The following FLYWCH1 variants were observed in gnomAD, a reference collection of about 807,000 sequenced individuals.
FLYWCH1 encodes the protein FLYWCH-type zinc finger-containing protein 1.
In FLYWCH1, 75 loss-of-function variants were observed where a neutral mutation model predicts 66.4. That is an observed-to-expected ratio of 1.13 (90% CI 0.94 to 1.37). FLYWCH1 has a LOEUF of 1.37. FLYWCH1 is among the 40% of genes most tolerant of loss of function. The pLI is 0.00. For synonymous variants in FLYWCH1, 595 were observed against 429.9 expected, an observed-to-expected ratio of 1.38 and a Z score of -4.75; for missense variants, 1,334 against 1,001.8, an observed-to-expected ratio of 1.33 and a Z score of -4.48.
chr16:2,941,732 G>C (rs749256063), intron 9 of FLYWCH1, among the ~76,000 whole-genome samples: 7 of 150,808 alleles, frequency 4.6e-5, no homozygotes, highest in African/African-American at 1.7e-4. Context: ...AAAAAAAAAA[G>C]AACTAAAAGT....
Position 2,944,106 on chromosome 16 carries a change from G to A in FLYWCH1, c.2111+4014G>A, listed in dbSNP as rs186644826. Among the ~76,000 whole-genome samples, 516 of 152,134 alleles carry A rather than the reference G, an allele frequency of 3.4e-3. 5 individuals are homozygous for A. Among genetic ancestry groups the A allele is most frequent in the African/African-American group, 0.012 (503 of 41,488 alleles). ...GAGAGAACCTGTCTCAGAAATAAAA[G>A]TAGAGCACGACAGCTCCCACCTGTC... is the stretch of plus-strand genomic sequence containing the variant. On this transcript the variant is annotated intron_variant, in intron 9 of 9. Transcript: ENST00000253928.
rs931148241 is a variant in FLYWCH1 at position 2,929,600 on chromosome 16, C to T, written c.-73-13C>T. 46 of 1,466,516 alleles carry T rather than the reference C, an allele frequency of 3.1e-5. No individual in the cohort carries two copies. Among genetic ancestry groups the T allele is most frequent in the African/African-American group, 9.8e-5 (7 of 71,390 alleles). The allele number at this position is 1,466,516 out of a possible 1,614,324, so 90.8% of individuals were successfully genotyped here. ...GGCTTCCACCACTGACGGGATTTTG[C>T]TTCCTTCCTTAGGACGGAACCACTG... On this transcript the variant is annotated splice_polypyrimidine_tract_variant and intron_variant, in intron 2 of 9. Coordinates refer to ENST00000253928, the MANE Select transcript of FLYWCH1 (RefSeq NM_001308068.2).
At chr16:2,916,992 A>AT (rs201995814) in intron 2 of FLYWCH1, among the ~76,000 whole-genome samples, 8,501 of 150,712 alleles carry the variant, frequency 0.056, 355 homozygotes, top group Middle Eastern at 0.093. Flanking sequence ...AAAAAAAAAA[A>AT]AAAAATAACA....
chr16:2,933,672 C>G (rs775838753), intron 5 of FLYWCH1, 44 bp from the exon 6 acceptor site: 11 of 1,589,200 alleles, frequency 6.9e-6, no homozygotes, highest in African/African-American at 4.0e-5. Flanking sequence ...TCAGGCCTAC[C>G]CAGCCCCTGT....
intron 6 of FLYWCH1, chr16:2,934,889 G>T: frequency 1.3e-5 from 3 of 235,186 alleles, no homozygotes; most frequent in South Asian, 4.0e-5. Flanking sequence ...CCATTTCCTT[G>T]TCAGCTACTC....
chr16:2,918,586 A>G (rs376829613), intron 2 of FLYWCH1, among the ~76,000 whole-genome samples: 1 of 151,338 alleles, frequency 6.6e-6, no homozygotes, highest in African/African-American at 2.4e-5. Context: ...GATTACAGGC[A>G]TGCACCAACA....
At position 2,948,668 on chromosome 16, in the gene FLYWCH1, A is replaced by C; in HGVS notation, c.2112-20A>C. Reference sequence around the variant, plus strand: ...CCATGTTTTGATGTGTGCAATGAACATGTGTCTCTTTGTAATTAGGGACAT... The same window carrying C: ...CCATGTTTTGATGTGTGCAATGAACCTGTGTCTCTTTGTAATTAGGGACAT... On this transcript the variant is annotated intron_variant, in intron 9 of 9. Transcript: ENST00000253928. 6.2e-7 allele frequency: 1 copy of C among 1,612,904 alleles called. No homozygotes were observed. The highest frequency in any genetic ancestry group is 8.5e-7 in the Non-Finnish European group (1 of 1,178,944).
intron 8 of FLYWCH1, 50 bp downstream of exon 8, chr16:2,938,506 T>C (rs12373088): frequency 0.061 from 90,924 of 1,488,678 alleles, 3,092 homozygotes; most frequent in Middle Eastern, 0.098. Flanking sequence ...TCCTCATCTC[T>C]TCCAGCTCAG....
At position 2,949,510 on chromosome 16, in the gene FLYWCH1, G is replaced by C. The variant is rs2071614652; in HGVS notation, c.*783G>C. Reference sequence around the variant, plus strand: ...CCCAGGTCCATCCTGGGCAGCAAAGGCGTGTCCCCTTCTGTCAGACAGCTT... The same window carrying C: ...CCCAGGTCCATCCTGGGCAGCAAAGCCGTGTCCCCTTCTGTCAGACAGCTT... On this transcript the variant is annotated 3_prime_UTR_variant, in exon 10 of 10. Coordinates refer to ENST00000253928, the MANE Select transcript of FLYWCH1 (RefSeq NM_001308068.2). The C allele has an allele frequency of 6.6e-6, 1 of 152,296 alleles. No homozygotes were observed. The highest frequency in any genetic ancestry group is 2.1e-4 in the South Asian group (1 of 4,830). The allele number at this position is 152,296 out of a possible 1,614,324, so 9.4% of individuals were successfully genotyped here.
chr16:2,917,342 G>T (rs1375083866), intron 2 of FLYWCH1, among the ~76,000 whole-genome samples: 1 of 149,198 alleles, frequency 6.7e-6, no homozygotes, highest in Non-Finnish European at 1.5e-5. Flanking sequence ...CGATTCTCCT[G>T]CCTCAGCCTC....
At chr16:2,936,910 C>T (rs1312671796) in intron 6 of FLYWCH1, 6 of 688,644 alleles carry the variant, frequency 8.7e-6, no homozygotes, top group African/African-American at 7.1e-5. Context: ...GCAGGGGCCT[C>T]ACCTGACCAG....
intron 7 of FLYWCH1, among the ~76,000 whole-genome samples, chr16:2,937,901 T>C (rs778743427): frequency 2.4e-4 from 36 of 152,150 alleles, no homozygotes; most frequent in Non-Finnish European, 4.4e-4. Flanking sequence ...GGGATGCACC[T>C]GCAAGCATGA....
At chr16:2,915,140 A>ATTTTTTTTTTT (rs112843859) in intron 2 of FLYWCH1, 1 of 146,410 alleles carries the variant, frequency 6.8e-6, no homozygotes, top group Non-Finnish European at 1.5e-5. Context: ...ATGCACTGAA[A>ATTTTTTTTTTT]TTTTTTTTTT....
chr16:2,940,081 G>T lies in FLYWCH1; in HGVS notation c.2100G>T (p.Gln700His), dbSNP rs1192308760. The T allele has an allele frequency of 5.9e-6, 8 of 1,361,076 alleles. No individual in the cohort carries two copies. Among genetic ancestry groups the T allele is most frequent in the East Asian group, 2.3e-5 (1 of 43,688 alleles). The allele number at this position is 1,361,076 out of a possible 1,614,324, so 84.3% of individuals were successfully genotyped here. A position where few individuals can be genotyped will look rare whatever the true frequency, so the allele number is the denominator to read the frequency against. ...LCFKTCSPESQQIYGDIKDVR... is the reference protein window; with the variant it reads ...LCFKTCSPESHQIYGDIKDVR... The stretch of plus-strand genomic sequence containing the variant: ...TCAAGACGTGTTCTCCTGAAAGCCA[G>T]CAGATTTATGGGTAATTGTATTTGT... The change falls in exon 9 of 10, where the codon CAG becomes CAT. Residue 700 changes from glutamine (Q) to histidine (H), a missense_variant. Physicochemically the swap from Gln to His is conservative, Grantham distance 24. Coordinates refer to ENST00000253928, the MANE Select transcript of FLYWCH1 (RefSeq NM_001308068.2).
chr16:2,936,701 G>A (rs1018174240), intron 6 of FLYWCH1: 8 of 466,848 alleles, frequency 1.7e-5, no homozygotes, highest in East Asian at 6.7e-5. Context: ...CTACCTGCGC[G>A]GCTCTCGGGG....
intron 2 of FLYWCH1, among the ~76,000 whole-genome samples, chr16:2,927,509 A>G (rs1256027132): frequency 6.6e-6 from 1 of 152,242 alleles, no homozygotes; most frequent in East Asian, 1.9e-4. Context: ...TAGTTACAGA[A>G]TATGTGAAGG....
intron 2 of FLYWCH1, among the ~76,000 whole-genome samples, chr16:2,925,584 G>GC (rs1290228873): frequency 2.1e-5 from 3 of 141,244 alleles, no homozygotes; most frequent in Admixed American, 7.0e-5. Context: ...CGGGGGGAGG[G>GC]GGGTACGGGG....
intron 8 of FLYWCH1, 128 bp from the exon 9 acceptor site, chr16:2,939,904 G>T (rs1060484): frequency 0.06 from 65,196 of 1,092,256 alleles, 2,223 homozygotes; most frequent in Middle Eastern, 0.097. Context: ...AATTCCCAGC[G>T]TTGCTTCACC....
chr16:2,939,944 G>C, intron 8 of FLYWCH1, 88 bp from the exon 9 acceptor site: 2 of 1,486,610 alleles, frequency 1.3e-6, no homozygotes, highest in South Asian at 1.3e-5. Context: ...AGCCTTGAGG[G>C]CGTCGTTAAC....
Sources: gnomAD v4.1 joint callset for allele counts (sites outside exome capture counted in the v4.1 genomes callset) on GRCh38, gnomAD v4.1.1 for gene constraint, MANE v1.5 for transcripts, NCBI Gene and HGNC (gene_info 2026-07-23, HGNC 2026-07-21) for gene names.